The following ROBO2 variants were observed in gnomAD, a reference collection of about 807,000 sequenced individuals.
ROBO2 encodes the protein roundabout homolog 2.
A neutral mutation model predicts 160.8 loss-of-function variants in ROBO2; 53 were observed. The ratio of observed to expected loss-of-function variants is 0.33; its 90% CI spans 0.26 to 0.41. The LOEUF (loss-of-function observed/expected upper bound fraction) is 0.41. Among genes scored for constraint, ROBO2 ranks in the 10% least tolerant of loss-of-function variants. The pLI, the probability that ROBO2 is intolerant of heterozygous loss-of-function variation, is 1.00. For missense variants in ROBO2, 1,577 were observed against 1,722.4 expected (o/e 0.92, Z 1.49); for synonymous variants, 664 against 611.7 (o/e 1.09, Z -1.26).
intron 2 of ROBO2, among the ~76,000 whole-genome samples, chr3:76,315,287 A>G (rs1321603037): frequency 1.3e-5 from 2 of 152,198 alleles, no homozygotes; most frequent in South Asian, 4.1e-4. Context: ...AAAACTTTTA[A>G]TAACTCAGAA....
chr3:76,480,424 T>A (rs960355427), intron 2 of ROBO2, among the ~76,000 whole-genome samples: 2 of 152,140 alleles, frequency 1.3e-5, no homozygotes, highest in Non-Finnish European at 2.9e-5. Context: ...AACACTGTCA[T>A]ATATTTACCT....
chr3:76,435,740 CAACA>C (rs1290380110), intron 2 of ROBO2, among the ~76,000 whole-genome samples: 2 of 152,068 alleles, frequency 1.3e-5, no homozygotes, highest in Non-Finnish European at 1.5e-5. Flanking sequence ...GTTATTCTAC[CAACA>C]AACAAACAGT....
At chr3:77,316,934 T>G (rs1289647135) in intron 2 of ROBO2, 2 of 1,260,704 alleles carry the variant, frequency 1.6e-6, no homozygotes, top group Non-Finnish European at 1.2e-6. Flanking sequence ...GTCTGATACT[T>G]GGCTGCTGTT....
chr3:76,078,857 G>A (rs561921007), intron 2 of ROBO2, among the ~76,000 whole-genome samples: 82 of 152,264 alleles, frequency 5.4e-4, no homozygotes, highest in African/African-American at 1.8e-3. Flanking sequence ...TACTAACAGT[G>A]TACAAGTGTC....
At chr3:76,246,446 G>C (rs972704230) in intron 2 of ROBO2, among the ~76,000 whole-genome samples, 2 of 152,070 alleles carry the variant, frequency 1.3e-5, no homozygotes, top group Admixed American at 6.6e-5. Flanking sequence ...TGTCATGTCT[G>C]ATTAGTTACT....
At chr3:76,272,146 A>G (rs758156038) in intron 2 of ROBO2, among the ~76,000 whole-genome samples, 3 of 152,156 alleles carry the variant, frequency 2.0e-5, no homozygotes, top group Non-Finnish European at 1.5e-5. Flanking sequence ...GTTGACTCTC[A>G]AGGACAGTGA....
intron 2 of ROBO2, among the ~76,000 whole-genome samples, chr3:76,421,696 A>G (rs528373915): frequency 6.6e-6 from 1 of 150,752 alleles, no homozygotes; most frequent in South Asian, 2.1e-4. Context: ...ATTACACTTC[A>G]GTCTGGGCAA....
chr3:76,732,934 C>T (rs1267303115), intron 2 of ROBO2, among the ~76,000 whole-genome samples: 2 of 147,974 alleles, frequency 1.4e-5, no homozygotes, highest in Non-Finnish European at 1.5e-5. Flanking sequence ...ATGTAGTCTT[C>T]CTTATGGCCC....
intron 2 of ROBO2, among the ~76,000 whole-genome samples, chr3:77,023,018 G>A (rs919098582): frequency 5.9e-5 from 9 of 151,926 alleles, no homozygotes; most frequent in Non-Finnish European, 1.3e-4. Context: ...ACTACTCTAG[G>A]AATCTCATAT....
At chr3:76,997,290 A>G (rs548434604) in intron 2 of ROBO2, among the ~76,000 whole-genome samples, 3 of 152,146 alleles carry the variant, frequency 2.0e-5, no homozygotes, top group Non-Finnish European at 4.4e-5. Flanking sequence ...TAGTAGATGG[A>G]TATTTGATCT....
At chr3:77,140,812 A>G (rs892729505) in intron 2 of ROBO2, among the ~76,000 whole-genome samples, 1 of 152,234 alleles carries the variant, frequency 6.6e-6, no homozygotes, top group African/African-American at 2.4e-5. Flanking sequence ...ATTTTATTAC[A>G]AATACTTTTT....
At chr3:77,111,623 A>T (rs1463360288) in intron 2 of ROBO2, among the ~76,000 whole-genome samples, 1 of 152,012 alleles carries the variant, frequency 6.6e-6, no homozygotes, top group Non-Finnish European at 1.5e-5. Context: ...CATATCTTTG[A>T]TTTTTGTTAC....
Position 76,220,036 on chromosome 3 carries a change from A to G in ROBO2, c.109+282434A>G, listed in dbSNP as rs556532822. ...GTTCATGTCCTTTGTAGGGACATGG[A>G]TGAAGCTGGAAACCATCATTCTCAG... On this transcript the variant is annotated intron_variant, in intron 2 of 26. Transcript: ENST00000487694. Among the ~76,000 whole-genome samples, 726 of 152,196 alleles carry G rather than the reference A, an allele frequency of 4.8e-3. 8 individuals carry two copies. The highest frequency in any genetic ancestry group is 0.016 in the African/African-American group (683 of 41,510).
intron 23 of ROBO2, among the ~76,000 whole-genome samples, chr3:77,626,559 G>A (rs980849753): frequency 2.0e-5 from 3 of 152,150 alleles, no homozygotes; most frequent in Non-Finnish European, 4.4e-5. Flanking sequence ...ATGCCAAACC[G>A]TTGGGTAACG....
At chr3:77,235,415 C>T (rs1425898717) in intron 2 of ROBO2, among the ~76,000 whole-genome samples, 3 of 150,500 alleles carry the variant, frequency 2.0e-5, no homozygotes, top group African/African-American at 4.9e-5. Flanking sequence ...TGCAGTGGCG[C>T]GATCTCGACT....
intron 2 of ROBO2, among the ~76,000 whole-genome samples, chr3:77,120,695 C>A (rs2074667597): frequency 6.6e-6 from 1 of 151,938 alleles, no homozygotes; most frequent in African/African-American, 2.4e-5. Flanking sequence ...TGTCTGTATT[C>A]AAAATAGTAT....
At chr3:76,410,838 T>C (rs553750645) in intron 2 of ROBO2, among the ~76,000 whole-genome samples, 14 of 152,230 alleles carry the variant, frequency 9.2e-5, no homozygotes, top group African/African-American at 3.4e-4. Context: ...TGTTATTGGA[T>C]GAGATGTGTG....
chr3:77,341,319 A>G (rs536804655), intron 2 of ROBO2, among the ~76,000 whole-genome samples: 1 of 152,264 alleles, frequency 6.6e-6, no homozygotes, highest in East Asian at 1.9e-4. Context: ...CTTAGTCACA[A>G]GGGAATCCAC....
At chr3:77,380,191 A>G (rs1030113531) in intron 2 of ROBO2, among the ~76,000 whole-genome samples, 1 of 152,204 alleles carries the variant, frequency 6.6e-6, no homozygotes, top group African/African-American at 2.4e-5. Flanking sequence ...TTTGTCTTGT[A>G]CTCAGCACCA....
Sources: allele counts gnomAD v4.1 joint callset (sites outside exome capture counted in the v4.1 genomes callset), GRCh38; gene constraint gnomAD v4.1.1; transcripts MANE v1.5; gene names NCBI Gene and HGNC (gene_info 2026-07-23, HGNC 2026-07-21).